The following ATP1A1 variants were observed in gnomAD, a reference collection of about 807,000 sequenced individuals.
ATP1A1 encodes the protein ATPase Na+/K+ transporting subunit alpha 1.
A neutral mutation model predicts 114.8 loss-of-function variants in ATP1A1; 14 were observed. That is an observed-to-expected ratio of 0.12 (90% confidence interval 0.08 to 0.19). The LOEUF is 0.19. ATP1A1 is among the 10% of genes least tolerant of loss of function. ATP1A1 has a pLI of 1.00. For synonymous variants in ATP1A1, 471 were observed against 466.3 expected (o/e 1.01, Z -0.13); for missense variants, 524 against 1,290.7 (o/e 0.41, Z 9.10).
In ATP1A1 at chr1:116,389,259, CCTG is replaced by C. The variant is rs1364605386; in HGVS notation, c.755-177_755-175del. ...CTGGCATGGGTGTTGGAGCTGCTGTCCTGCTACTGGAGAGAAGTCCCTTTGCCA... is the reference window on the plus strand; with the variant it reads ...CTGGCATGGGTGTTGGAGCTGCTGTCCTACTGGAGAGAAGTCCCTTTGCCA... On this transcript the variant is annotated intron_variant, in intron 7 of 22. Transcript: ENST00000295598. This position sits in a 1 kb window ranked among gnomAD's most constrained non-coding sequence, Gnocchi z 6.9. Among the ~76,000 whole-genome samples, 2 of 152,146 alleles carry C rather than the reference CCTG, an allele frequency of 1.3e-5. No homozygotes were observed. The highest frequency in any genetic ancestry group is 4.8e-5 in the African/African-American group (2 of 41,430).
rs1300887193 is a variant in ATP1A1 at position 116,381,150 on chromosome 1, A to G, written c.13-2864A>G. Among the ~76,000 whole-genome samples the G allele has an allele frequency of 6.6e-6, 1 of 152,224 alleles. No homozygotes were observed. The highest frequency in any genetic ancestry group is 1.5e-5 in the Non-Finnish European group (1 of 68,044). On this transcript the variant is annotated intron_variant, in intron 1 of 22. Coordinates refer to ENST00000295598, the MANE Select transcript of ATP1A1 (RefSeq NM_000701.8). This position sits in a 1 kb window ranked among gnomAD's most constrained non-coding sequence, Gnocchi z 5.1. ...TGAAAAAGTAGGAAGTGTGTGCCCA[A>G]TGCCCAGATGAGTGGGAAGATTACT...
At chr1:116,376,505 T>TG (rs1049731363) in intron 1 of ATP1A1, among the ~76,000 whole-genome samples, 2 of 152,162 alleles carry the variant, frequency 1.3e-5, no homozygotes, top group African/African-American at 4.8e-5. Flanking sequence ...TGCCTAGAGC[T>TG]GGGGGGTGGA....
At position 116,374,206 on chromosome 1, in the gene ATP1A1, A is replaced by G. The variant is rs760703206; in HGVS notation, c.12+683A>G. 12 of 1,551,168 alleles carry G rather than the reference A, an allele frequency of 7.7e-6. No homozygotes were observed. The South Asian group carries it at 1.3e-4, about 17-fold the overall frequency. On this transcript the variant is annotated intron_variant, in intron 1 of 22. Transcript: ENST00000295598. ...CCGGCTGGGCGGGCTGGTGCCAGAA[A>G]GGGTGTGTCTTCACTGCCCTAAGAT...
rs1262585032 is a variant in ATP1A1 at position 116,397,088 on chromosome 1, T to G, written c.1973+354T>G. On this transcript the variant is annotated intron_variant, in intron 14 of 22. Coordinates refer to ENST00000295598, the MANE Select transcript of ATP1A1 (RefSeq NM_000701.8). This position sits in a 1 kb window ranked among gnomAD's most constrained non-coding sequence, Gnocchi z 4.2. The stretch of plus-strand genomic sequence containing the variant: ...GATTTCATGCTGTTAACCACTGAGC[T>G]CTACTGCCTAGCACCTAGCATCTTG... Among the ~76,000 whole-genome samples, 1 of 152,198 alleles carries G rather than the reference T, an allele frequency of 6.6e-6. No individual in the cohort carries two copies. Among genetic ancestry groups the G allele is most frequent in the East Asian group, 1.9e-4 (1 of 5,200 alleles).
At chr1:116,402,965 G>A (rs1653631860) in intron 21 of ATP1A1, among the ~76,000 whole-genome samples, 1 of 152,194 alleles carries the variant, frequency 6.6e-6, no homozygotes, top group Admixed American at 6.5e-5. Flanking sequence ...ATTGAATTCT[G>A]TCAGCTTGGG....
rs370072127 is a variant in ATP1A1, at chr1:116,397,854, C to T, written c.1974-34C>T. ...ATGGACACATGCTGGTGATGTGATGCGTGACTTTTTTTTTTTTTTTGTCCT... is the reference window on the plus strand; with the variant it reads ...ATGGACACATGCTGGTGATGTGATGTGTGACTTTTTTTTTTTTTTTGTCCT... On this transcript the variant is annotated intron_variant, in intron 14 of 22. Coordinates refer to ENST00000295598, the MANE Select transcript of ATP1A1 (RefSeq NM_000701.8). This position sits in a 1 kb window ranked among gnomAD's most constrained non-coding sequence, Gnocchi z 4.2. 1.9e-5 allele frequency: 30 copies of T among 1,570,416 alleles called. No individual in the cohort carries two copies. Among genetic ancestry groups the T allele is most frequent in the African/African-American group, 1.7e-4 (12 of 70,986 alleles).
In ATP1A1 at chr1:116,401,733, T is replaced by G. The variant is rs543733820; in HGVS notation, c.2951+78T>G. On this transcript the variant is annotated intron_variant, in intron 21 of 22. Transcript: ENST00000295598. This position sits in a 1 kb window ranked among gnomAD's most constrained non-coding sequence, Gnocchi z 4.7. The stretch of plus-strand genomic sequence containing the variant: ...TTCCCCCCATTACTTGTGGTAATAG[T>G]TGTTATTTTCAGAATTTTGAGTGGT... 2.8e-6 allele frequency: 4 copies of G among 1,439,732 alleles called. No homozygotes were observed. Among genetic ancestry groups the G allele is most frequent in the African/African-American group, 2.8e-5 (2 of 70,502 alleles). The allele number at this position is 1,439,732 out of a possible 1,614,324, so 89.2% of individuals were successfully genotyped here.
chr1:116,401,391 T>C lies in ATP1A1; in HGVS notation c.2849+131T>C. The C allele has an allele frequency of 1.3e-6, 2 of 1,508,612 alleles. No individual in the cohort carries two copies. Among genetic ancestry groups the C allele is most frequent in the Non-Finnish European group, 1.8e-6 (2 of 1,112,850 alleles). The allele number at this position is 1,508,612 out of a possible 1,614,324, so 93.5% of individuals were successfully genotyped here. On this transcript the variant is annotated intron_variant, in intron 20 of 22. Transcript: ENST00000295598. This position sits in a 1 kb window ranked among gnomAD's most constrained non-coding sequence, Gnocchi z 4.7. The stretch of plus-strand genomic sequence containing the variant: ...GGAATCTCTAGTTTATAGAGCAAAT[T>C]TAGGAAGCAAGAAATGTAGCTTTCT...
At chr1:116,373,556 G>A (rs749736204) in intron 1 of ATP1A1, 33 bp downstream of exon 1, 3 of 1,434,130 alleles carry the variant, frequency 2.1e-6, no homozygotes, top group Admixed American at 3.0e-5. Context: ...GAGGGGGCTC[G>A]GGGAGCCCTC....
chr1:116,399,644 C>T lies in ATP1A1; in HGVS notation c.2572+101C>T, dbSNP rs148907350. ...TGATTTCAGAGACTGCAAATCCAGG[C>T]GACTTTCAGGTCTAGGATGAGCCCT... On this transcript the variant is annotated intron_variant, in intron 18 of 22. Transcript: ENST00000295598. The surrounding 1 kb of genome is among the most constrained non-coding windows in gnomAD (Gnocchi z 5.0). 2.9e-4 allele frequency: 444 copies of T among 1,517,794 alleles called. 2 individuals carry two copies. Among genetic ancestry groups the T allele is most frequent in the East Asian group, 2.6e-3 (115 of 44,028 alleles). The allele number at this position is 1,517,794 out of a possible 1,614,324, so 94.0% of individuals were successfully genotyped here.
intron 1 of ATP1A1, 58 bp downstream of exon 1, chr1:116,373,581 G>C: frequency 1.5e-6 from 2 of 1,374,766 alleles, no homozygotes; most frequent in South Asian, 3.3e-5. Context: ...GGAAGAGGAG[G>C]AAGTCGGGAG....
At chr1:116,373,651 G>C in intron 1 of ATP1A1, 128 bp downstream of exon 1, 1 of 1,123,144 alleles carries the variant, frequency 8.9e-7, no homozygotes, top group Non-Finnish European at 1.2e-6. Flanking sequence ...GAGTGGGCTG[G>C]CAGAGCCGCG....
Position 116,377,377 on chromosome 1 carries a change from G to A in ATP1A1, c.12+3854G>A, listed in dbSNP as rs1031467142. Among the ~76,000 whole-genome samples the A allele has an allele frequency of 4.6e-5, 7 of 152,216 alleles. No homozygotes were observed. The South Asian group carries it at 1.2e-3, about 27-fold the overall frequency. On this transcript the variant is annotated intron_variant, in intron 1 of 22. Transcript: ENST00000295598. The stretch of plus-strand genomic sequence containing the variant: ...GACTGGGTTTGTTGTTCGTCAGTAA[G>A]TCATTAGCCCTTGCAAAATTAGAGA...
At chr1:116,403,806 C>T in intron 21 of ATP1A1, 78 bp from the exon 22 acceptor site, 1 of 1,249,258 alleles carries the variant, frequency 8.0e-7, no homozygotes, top group Non-Finnish European at 1.1e-6. Flanking sequence ...TTCATTGTCA[C>T]TGGTGATGTG....
rs1052547618 is a variant in ATP1A1, at chr1:116,404,525, T to C, written c.*81T>C. ...ACCCCCTCTTTGTGTACTTCAGTCT[T>C]GGAGTTTGGAACTCTACCCTGGTAG... On this transcript the variant is annotated 3_prime_UTR_variant, in exon 23 of 23. Coordinates refer to ENST00000295598, the MANE Select transcript of ATP1A1 (RefSeq NM_000701.8). This position sits in a 1 kb window ranked among gnomAD's most constrained non-coding sequence, Gnocchi z 4.8. The C allele has an allele frequency of 1.8e-5, 28 of 1,530,832 alleles. No homozygotes were observed. In the African/African-American group the frequency reaches 3.7e-4, roughly 20 times the overall value. The allele number at this position is 1,530,832 out of a possible 1,614,324, so 94.8% of individuals were successfully genotyped here.
At position 116,373,272 on chromosome 1, in the gene ATP1A1, G is replaced by T; in HGVS notation, c.-240G>T. 2.5e-6 allele frequency: 1 copy of T among 392,844 alleles called. No homozygotes were observed. Among genetic ancestry groups the T allele is most frequent in the East Asian group, 4.0e-5 (1 of 24,998 alleles). 24.3% of individuals were successfully genotyped at this position (392,844 alleles called of 1,614,324 possible). ...GCTGCGGCGGGGTCTGGGGCGCAGA[G>T]CAGCGGCGGGAGGAGGCGGACACGT... On this transcript the variant is annotated 5_prime_UTR_variant, in exon 1 of 23. Coordinates refer to ENST00000295598, the MANE Select transcript of ATP1A1 (RefSeq NM_000701.8).
At chr1:116,390,532 TTTTG>T (rs1317404654) in intron 9 of ATP1A1, 121 bp downstream of exon 9, 6 of 1,043,128 alleles carry the variant, frequency 5.8e-6, no homozygotes, top group Non-Finnish European at 8.0e-6. Flanking sequence ...TTTCTTTCTT[TTTTG>T]TTTTTTTTTT....
At chr1:116,394,602 C>T (rs1392969156) in intron 12 of ATP1A1, among the ~76,000 whole-genome samples, 2 of 151,900 alleles carry the variant, frequency 1.3e-5, no homozygotes, top group African/African-American at 4.8e-5. Context: ...TGATAAACCC[C>T]CTGGGCAGAA....
At chr1:116,382,972 A>G (rs1651845111) in intron 1 of ATP1A1, among the ~76,000 whole-genome samples, 2 of 152,334 alleles carry the variant, frequency 1.3e-5, no homozygotes, top group South Asian at 4.1e-4. Context: ...GGTGTCTGGA[A>G]CAAGGGGCTC....
Sources: gnomAD v4.1 joint callset for allele counts (sites outside exome capture counted in the v4.1 genomes callset) on GRCh38, gnomAD v4.1.1 for gene constraint, Gnocchi (gnomAD v3.1) non-coding constraint, MANE v1.5 for transcripts, NCBI Gene and HGNC (gene_info 2026-07-23, HGNC 2026-07-21) for gene names.